The following ANO2 variants were observed in gnomAD, a reference collection of about 807,000 sequenced individuals.
The protein encoded by ANO2 is anoctamin 2.
Under a neutral mutation model 124.2 loss-of-function variants are expected in ANO2, and 101 were observed. The observed-to-expected ratio is 0.81, with a 90% CI of 0.69 to 0.96. The LOEUF (loss-of-function observed/expected upper bound fraction) is 0.96, where lower values mean the gene tolerates loss of function less well. Ranked by LOEUF, ANO2 falls within the 40% of genes least tolerant of loss-of-function variation. The pLI, the probability that ANO2 is intolerant of heterozygous loss-of-function variation, is 0.00. For missense variants in ANO2, 1,293 were observed against 1,274.5 expected (o/e 1.01, Z -0.22); for synonymous variants, 486 against 482.5 (o/e 1.01, Z -0.09).
At chr12:5,671,439 A>G (rs1049158396) in intron 14 of ANO2, among the ~76,000 whole-genome samples, 1 of 149,722 alleles carries the variant, frequency 6.7e-6, no homozygotes, top group Non-Finnish European at 1.5e-5. Flanking sequence ...ATTGCTCTAC[A>G]GTACAAAGAA....
At chr12:5,780,521 AACTTCC>A (rs1432775891) in intron 10 of ANO2, among the ~76,000 whole-genome samples, 1 of 152,230 alleles carries the variant, frequency 6.6e-6, no homozygotes, top group Non-Finnish European at 1.5e-5. Flanking sequence ...AAAACAGAGA[AACTTCC>A]ATTAGCACAT....
In ANO2 at chr12:5,658,929, A is replaced by G. The variant is rs1947313880; in HGVS notation, c.1546-11128T>C. On this transcript the variant is annotated intron_variant, in intron 14 of 24. Coordinates refer to ENST00000682330, the MANE Select transcript of ANO2 (RefSeq NM_001364791.2). The surrounding 1 kb of genome is among the most constrained non-coding windows in gnomAD (Gnocchi z 4.3). ...CAGCAACAGCAGCATCATCATCATC[A>G]TTGCTTTATCCACCAGGGACCCTGT... Among the ~76,000 whole-genome samples the G allele has an allele frequency of 6.6e-6, 1 of 152,144 alleles. No individual in the cohort carries two copies. Among genetic ancestry groups the G allele is most frequent in the Non-Finnish European group, 1.5e-5 (1 of 68,028 alleles).
At chr12:5,939,934 T>G (rs539621617) in intron 1 of ANO2, among the ~76,000 whole-genome samples, 19 of 152,218 alleles carry the variant, frequency 1.2e-4, no homozygotes, top group Non-Finnish European at 2.2e-4. Flanking sequence ...GTGTAGCATG[T>G]TCACACCTTA....
intron 3 of ANO2, among the ~76,000 whole-genome samples, chr12:5,855,158 T>A (rs7964476): frequency 0.028 from 4,248 of 152,274 alleles, 175 homozygotes; most frequent in African/African-American, 0.093. Context: ...AACGAGCTGA[T>A]AGCACAATCC....
upstream of ANO2, chr12:5,946,085 T>C: frequency 6.4e-7 from 1 of 1,573,738 alleles, no homozygotes; most frequent in Admixed American, 1.7e-5. This position sits in a 1 kb window ranked among gnomAD's most constrained non-coding sequence, Gnocchi z 4.1. Flanking sequence ...AGTTCATTAA[T>C]ACCATGGACC....
chr12:5,946,058 T>C (rs1943087366), upstream of ANO2: 10 of 1,465,108 alleles, frequency 6.8e-6, no homozygotes, highest in Non-Finnish European at 8.6e-6. The surrounding 1 kb of genome is among the most constrained non-coding windows in gnomAD (Gnocchi z 4.1). Context: ...AACTCCAAGA[T>C]GCACAGAAGT....
chr12:5,627,120 A>G (rs1357849933), intron 16 of ANO2, among the ~76,000 whole-genome samples: 1 of 152,208 alleles, frequency 6.6e-6, no homozygotes, highest in Non-Finnish European at 1.5e-5. Context: ...GGGGTGCTCC[A>G]CATACTTGGC....
intron 16 of ANO2, among the ~76,000 whole-genome samples, chr12:5,627,139 G>A (rs892083853): frequency 3.3e-5 from 5 of 151,460 alleles, no homozygotes; most frequent in Middle Eastern, 3.2e-3. Context: ...GCCTATAACC[G>A]TACTCACATC....
rs1555112223 is a variant in ANO2 at position 5,638,237 on chromosome 12, C to CTTTTTTCTTT, written c.1621-2891_1621-2890insAAAGAAAAAA. Among the ~76,000 whole-genome samples the CTTTTTTCTTT allele has an allele frequency of 1.6e-3, 197 of 124,862 alleles. 4 individuals carry two copies. Among genetic ancestry groups the CTTTTTTCTTT allele is most frequent in the Non-Finnish European group, 2.9e-3 (172 of 59,248 alleles). 81.9% of individuals were successfully genotyped at this position (124,862 alleles called of 152,430 possible). On this transcript the variant is annotated intron_variant, in intron 15 of 24. Coordinates refer to ENST00000682330, the MANE Select transcript of ANO2 (RefSeq NM_001364791.2). ...ATCTTCACTAGCACTGTTTCTTTTC[C>CTTTTTTCTTT]TTTTTTTTTTTTTTTTGAGACGGAG...
intron 5 of ANO2, among the ~76,000 whole-genome samples, chr12:5,832,103 T>C (rs950480676): frequency 7.9e-5 from 12 of 152,170 alleles, no homozygotes; most frequent in African/African-American, 2.9e-4. Context: ...AGACTGGCAA[T>C]TGGGCAGAAG....
chr12:5,926,305 G>A (rs546206575), intron 1 of ANO2, among the ~76,000 whole-genome samples: 3 of 152,258 alleles, frequency 2.0e-5, no homozygotes, highest in South Asian at 2.1e-4. Flanking sequence ...GGAGGACGGC[G>A]ATGCCCTCCT....
At chr12:5,877,947 C>T (rs1938222087) in intron 3 of ANO2, among the ~76,000 whole-genome samples, 1 of 152,238 alleles carries the variant, frequency 6.6e-6, no homozygotes. Flanking sequence ...TGAAGCTTCA[C>T]TTGTTCACAT....
intron 21 of ANO2, 117 bp from the exon 22 acceptor site, chr12:5,578,124 C>A (rs1421604531): frequency 7.4e-7 from 1 of 1,344,118 alleles, no homozygotes; most frequent in Non-Finnish European, 1.0e-6. Context: ...GCTGGGCCCC[C>A]CCAGAATGGG....
intron 10 of ANO2, among the ~76,000 whole-genome samples, chr12:5,766,732 C>A (rs1304830056): frequency 1.3e-5 from 2 of 152,182 alleles, no homozygotes; most frequent in South Asian, 2.1e-4. Context: ...AATACGCACA[C>A]CAGCAGATTC....
chr12:5,863,692 TTTAAA>T (rs147643543), intron 3 of ANO2, among the ~76,000 whole-genome samples: 2,543 of 152,306 alleles, frequency 0.017, 66 homozygotes, highest in African/African-American at 0.054. Flanking sequence ...GATTGGATAC[TTTAAA>T]TATGTGCAGT....
Position 5,921,047 on chromosome 12 carries a change from T to A in ANO2, c.527A>T (p.Asp176Val). 6.2e-7 allele frequency: 1 copy of A among 1,606,232 alleles called. No individual in the cohort carries two copies. ...LMEAGLELEK[D>V]LENKSQGSIF... ...GCCACCCGCCTGACTCACCTCCAAGTCCTTCTCAAGCTCCAGTCCAGCCTC... is the reference window on the plus strand; with the variant it reads ...GCCACCCGCCTGACTCACCTCCAAGACCTTCTCAAGCTCCAGTCCAGCCTC... Residue 176 changes from aspartate (D) to valine (V), a missense_variant, in exon 3 of 25, where the codon GAC becomes GTC. Transcript: ENST00000682330.
intron 6 of ANO2, 93 bp downstream of exon 6, chr12:5,830,342 G>T: frequency 7.8e-7 from 1 of 1,285,216 alleles, no homozygotes; most frequent in South Asian, 1.3e-5. Context: ...ATAACGGTGT[G>T]AGGTGGCAGG....
Position 5,575,970 on chromosome 12 carries a change from A to G in ANO2, c.2485T>C (p.Tyr829His), listed in dbSNP as rs1420316052. ...CCATTGTGACTGTAGGAGTACTGGTACACCAGGCGGGGGATAAAGTCGGAG... is the reference window on the plus strand; with the variant it reads ...CCATTGTGACTGTAGGAGTACTGGTGCACCAGGCGGGGGATAAAGTCGGAG... ...ITSDFIPRLVYQYSYSHNGTL... is the reference protein window; with the variant it reads ...ITSDFIPRLVHQYSYSHNGTL... The change falls in exon 23 of 25, where the codon TAC becomes CAC. Residue 829 changes from tyrosine (Y) to histidine (H), a missense_variant. Tyr to His is a moderately conservative substitution (Grantham distance 83). Coordinates refer to ENST00000682330, the MANE Select transcript of ANO2 (RefSeq NM_001364791.2). 1 of 1,612,612 alleles carries G rather than the reference A, an allele frequency of 6.2e-7. No individual in the cohort carries two copies. Among genetic ancestry groups the G allele is most frequent in the Admixed American group, 1.7e-5 (1 of 59,808 alleles).
chr12:5,692,528 G>A (rs1948987873), intron 14 of ANO2, among the ~76,000 whole-genome samples: 1 of 152,040 alleles, frequency 6.6e-6, no homozygotes, highest in Non-Finnish European at 1.5e-5. Flanking sequence ...TTCCCCTATG[G>A]CCAAGGGCTT....
Sources: allele counts gnomAD v4.1 joint callset (sites outside exome capture counted in the v4.1 genomes callset), GRCh38; gene constraint gnomAD v4.1.1; non-coding constraint Gnocchi (gnomAD v3.1); transcripts MANE v1.5; gene names NCBI Gene and HGNC (gene_info 2026-07-23, HGNC 2026-07-21).